Variants in KIF20B observed in about 807,000 individuals in gnomAD.
KIF20B encodes kinesin-like protein KIF20B.
KIF20B carries 188 observed loss-of-function variants against 232.5 expected under a neutral mutation model. The ratio of observed to expected loss-of-function variants is 0.81; its 90% confidence interval spans 0.72 to 0.91. The LOEUF is 0.91. Among genes scored for constraint, KIF20B ranks in the 40% least tolerant of loss-of-function variants. The probability of loss-of-function intolerance (pLI) is 0.00; values close to 1 mark genes in which losing one functional copy is unlikely to be tolerated. For missense variants in KIF20B, 2,154 were observed against 2,055.9 expected (o/e 1.05, Z -0.92); for synonymous variants, 712 against 683.0 (o/e 1.04, Z -0.66).
chr10:89,713,935 A>G (rs574045507), intron 6 of KIF20B, 112 bp from the exon 7 acceptor site: 430 of 424,470 alleles, frequency 1.0e-3, no homozygotes, highest in African/African-American at 7.9e-3. Context: ...TGAATTGAGT[A>G]GATGAAAGGT....
chr10:89,744,048 TA>T (rs1242214714), intron 22 of KIF20B, 121 bp downstream of exon 22: 2 of 731,824 alleles, frequency 2.7e-6, no homozygotes, highest in Non-Finnish European at 4.2e-6. Flanking sequence ...AATCTAGAAA[TA>T]AATTATTTAA....
intron 31 of KIF20B, among the ~76,000 whole-genome samples, chr10:89,769,553 A>G (rs538116925): frequency 6.6e-6 from 1 of 151,990 alleles, no homozygotes; most frequent in Non-Finnish European, 1.5e-5. Context: ...TTTATGTACA[A>G]TATGTCAAAA....
At chr10:89,709,773 A>G (rs1842800698) in intron 4 of KIF20B, among the ~76,000 whole-genome samples, 154 bp from the exon 5 acceptor site, 1 of 152,180 alleles carries the variant, frequency 6.6e-6, no homozygotes, top group Non-Finnish European at 1.5e-5. Context: ...ACTTTCTGGT[A>G]GTAAAACTAT....
In KIF20B at chr10:89,733,322, A is replaced by G. The variant is rs200649523; in HGVS notation, c.2545+266A>G. Among the ~76,000 whole-genome samples the G allele has an allele frequency of 3.8e-4, 28 of 74,436 alleles. No individual in the cohort carries two copies. The East Asian group carries it at 9.5e-3, about 25-fold the overall frequency. The allele number at this position is 74,436 out of a possible 152,430, so 48.8% of individuals were successfully genotyped here. ...AATAATTTCTGTGCTTATAATAGTT[A>G]AAACTCATTACTTTGATTTTATAAA... On this transcript the variant is annotated intron_variant, in intron 19 of 32. Coordinates refer to ENST00000371728, the MANE Select transcript of KIF20B (RefSeq NM_001284259.2).
At chr10:89,743,323 A>G (rs1240252855) in intron 21 of KIF20B, among the ~76,000 whole-genome samples, 4 of 152,242 alleles carry the variant, frequency 2.6e-5, no homozygotes, top group African/African-American at 4.8e-5. Flanking sequence ...GCAGAAATCA[A>G]TTGACCTTCA....
chr10:89,735,118 T>C (rs1368690868), intron 19 of KIF20B, among the ~76,000 whole-genome samples: 1 of 152,204 alleles, frequency 6.6e-6, no homozygotes, highest in Non-Finnish European at 1.5e-5. Flanking sequence ...ATTAAAATTT[T>C]AAACATAAAG....
chr10:89,714,922 C>T (rs750563637), intron 7 of KIF20B, 33 bp from the exon 8 acceptor site: 89 of 1,310,190 alleles, frequency 6.8e-5, no homozygotes, highest in Non-Finnish European at 1.9e-5. Flanking sequence ...TGCTTACTTT[C>T]GTGATTGTTT....
rs774148398 is a variant in KIF20B at position 89,772,809 on chromosome 10, C to T, written c.5363C>T (p.Pro1788Leu). The T allele has an allele frequency of 2.4e-5, 38 of 1,609,682 alleles. No homozygotes were observed. Among genetic ancestry groups the T allele is most frequent in the Non-Finnish European group, 3.1e-5 (37 of 1,177,810 alleles). The change falls in exon 32 of 33, where the codon CCT (proline) becomes CTT (leucine). Residue 1788 changes from proline (P) to leucine (L), a missense_variant. Coordinates refer to ENST00000371728, the MANE Select transcript of KIF20B (RefSeq NM_001284259.2). ...TTATACACAAGTGAAATTTCATCTC[C>T]TATTGATATATCAGGCCAAGTGGTA... is the stretch of plus-strand genomic sequence containing the variant. ...RKLYTSEISS[P>L]IDISGQVILM... is the part of the protein sequence containing the mutation.
At chr10:89,718,384 A>G (rs1356954409) in intron 11 of KIF20B, among the ~76,000 whole-genome samples, 1 of 152,044 alleles carries the variant, frequency 6.6e-6, no homozygotes, top group Non-Finnish European at 1.5e-5. Context: ...GGTGGCAGGC[A>G]CCTGTAATCC....
intron 2 of KIF20B, among the ~76,000 whole-genome samples, chr10:89,708,667 G>A (rs1260417399): frequency 6.6e-6 from 1 of 151,838 alleles, no homozygotes; most frequent in African/African-American, 2.4e-5. Flanking sequence ...TGATTAAGTT[G>A]CATTTATCAA....
intron 31 of KIF20B, among the ~76,000 whole-genome samples, chr10:89,771,489 G>C (rs1335822267): frequency 6.6e-6 from 1 of 152,034 alleles, no homozygotes; most frequent in Non-Finnish European, 1.5e-5. Flanking sequence ...CACCAGACTT[G>C]ATGCATAGCC....
chr10:89,714,540 A>G (rs1022764732), intron 7 of KIF20B, among the ~76,000 whole-genome samples: 5 of 152,176 alleles, frequency 3.3e-5, no homozygotes, highest in Non-Finnish European at 5.9e-5. Flanking sequence ...TTGGTTACTA[A>G]GGATTTAATT....
At chr10:89,713,400 A>G (rs12267178) in intron 6 of KIF20B, among the ~76,000 whole-genome samples, 2,477 of 151,128 alleles carry the variant, frequency 0.016, 80 homozygotes, top group African/African-American at 0.057. Flanking sequence ...ATCCAGTTAA[A>G]ACATGATACT....
At chr10:89,704,561 TTTG>T (rs1458653325) in intron 1 of KIF20B, among the ~76,000 whole-genome samples, 14 of 141,542 alleles carry the variant, frequency 9.9e-5, no homozygotes, top group Non-Finnish European at 1.9e-4. Flanking sequence ...TGAGTTTTGT[TTTG>T]TTTTTTTTTT....
At chr10:89,722,311 G>A (rs188777690) in intron 13 of KIF20B, among the ~76,000 whole-genome samples, 1 of 152,282 alleles carries the variant, frequency 6.6e-6, no homozygotes, top group Admixed American at 6.5e-5. Flanking sequence ...GTAATAGCCA[G>A]CCTAAATTTT....
chr10:89,770,500 A>C (rs920026458), intron 31 of KIF20B, among the ~76,000 whole-genome samples: 1 of 151,998 alleles, frequency 6.6e-6, no homozygotes, highest in African/African-American at 2.4e-5. Flanking sequence ...TTTCAAGGAG[A>C]GGTAGGTACC....
intron 2 of KIF20B, among the ~76,000 whole-genome samples, chr10:89,705,673 G>A (rs1842707302): frequency 6.6e-6 from 1 of 152,076 alleles, no homozygotes. Context: ...CATCACAATC[G>A]TGCTTATTGG....
At chr10:89,717,313 TG>T in intron 9 of KIF20B, 110 bp from the exon 10 acceptor site, 1 of 651,290 alleles carries the variant, frequency 1.5e-6, no homozygotes, top group Non-Finnish European at 2.6e-6. Context: ...AATGCAATGG[TG>T]GACTGTAGTT....
chr10:89,704,290 GTCC>G (rs749603880), intron 1 of KIF20B, among the ~76,000 whole-genome samples: 1 of 152,108 alleles, frequency 6.6e-6, no homozygotes, highest in African/African-American at 2.4e-5. Context: ...ACAGCACAGA[GTCC>G]TCCTCCTCTC....
Sources: allele counts gnomAD v4.1 joint callset (sites outside exome capture counted in the v4.1 genomes callset), GRCh38; gene constraint gnomAD v4.1.1; transcripts MANE v1.5; gene names NCBI Gene and HGNC (gene_info 2026-07-23, HGNC 2026-07-21).